Variants in UBE2U observed in about 807,000 individuals in gnomAD.
UBE2U encodes ubiquitin conjugating enzyme E2 U, also known as ubiquitin-conjugating enzyme E2 U.
A neutral mutation model predicts 41.2 loss-of-function variants in UBE2U; 39 were observed. The ratio of observed to expected loss-of-function variants is 0.95; its 90% CI spans 0.73 to 1.24. The LOEUF is 1.24. Ranked by LOEUF, UBE2U falls within the 50% of genes most tolerant of loss-of-function variation. The pLI, the probability that UBE2U is intolerant of heterozygous loss-of-function variation, is 0.00. For synonymous variants in UBE2U, 107 were observed against 117.8 expected, an observed-to-expected ratio of 0.91 and a Z score of 0.60; for missense variants, 336 against 363.1, an observed-to-expected ratio of 0.93 and a Z score of 0.61.
At chr1:64,232,530 C>T in intron 6 of UBE2U, 31 bp from the exon 7 acceptor site, 1 of 1,532,638 alleles carries the variant, frequency 6.5e-7, no homozygotes, top group Non-Finnish European at 9.0e-7. Flanking sequence ...TTACAAACTG[C>T]CCATCGTCTG....
chr1:64,239,098 AG>A (rs1644740564), intron 7 of UBE2U, among the ~76,000 whole-genome samples: 1 of 26,118 alleles, frequency 3.8e-5, no homozygotes, highest in East Asian at 1.5e-3. Flanking sequence ...AAGAGGAAGA[AG>A]AAGAAGAAGA....
chr1:64,222,006 GAACCCAGGAGGCAGAGCTTGCA>G (rs1314811731), intron 6 of UBE2U, among the ~76,000 whole-genome samples: 7 of 145,190 alleles, frequency 4.8e-5, no homozygotes, highest in Admixed American at 2.1e-4. Context: ...AGAATGGTGT[GAACCCAGGAGGCAGAGCTTGCA>G]GTGAGCCAAG....
At chr1:64,252,114 C>T (rs898914546) in intron 8 of UBE2U, among the ~76,000 whole-genome samples, 1 of 152,212 alleles carries the variant, frequency 6.6e-6, no homozygotes, top group Non-Finnish European at 1.5e-5. Flanking sequence ...TCCCCACCAA[C>T]ACAACACACC....
chr1:64,240,256 T>G (rs919894503), intron 7 of UBE2U, among the ~76,000 whole-genome samples: 2 of 152,180 alleles, frequency 1.3e-5, no homozygotes, highest in Admixed American at 1.3e-4. Context: ...TTTGGGACAC[T>G]AACTTTAATA....
At chr1:64,229,242 G>A (rs1260285115) in intron 6 of UBE2U, among the ~76,000 whole-genome samples, 2 of 151,944 alleles carry the variant, frequency 1.3e-5, no homozygotes, top group Non-Finnish European at 2.9e-5. Context: ...TGATCCTCTC[G>A]CCTCAGTACC....
intron 7 of UBE2U, among the ~76,000 whole-genome samples, chr1:64,235,906 C>T (rs1370760851): frequency 2.0e-5 from 3 of 152,114 alleles, no homozygotes; most frequent in South Asian, 2.1e-4. Context: ...ATCAACCCTA[C>T]GTGCCAGGCA....
chr1:64,239,092 GGAAGAAGAAGAAGAAGAA>G (rs1221201927), intron 7 of UBE2U, among the ~76,000 whole-genome samples: 3 of 42,746 alleles, frequency 7.0e-5, no homozygotes, highest in African/African-American at 1.0e-4. Flanking sequence ...AAGAGGAAGA[GGAAGAAGAAGAAGAAGAA>G]GAAGAAGAAG....
At chr1:64,251,589 G>A (rs1311874199) in intron 8 of UBE2U, among the ~76,000 whole-genome samples, 1 of 152,100 alleles carries the variant, frequency 6.6e-6, no homozygotes, top group Non-Finnish European at 1.5e-5. Flanking sequence ...GGTGAGGTGA[G>A]AGCCCACCCA....
intron 8 of UBE2U, among the ~76,000 whole-genome samples, chr1:64,254,868 G>A (rs1350142251): frequency 6.6e-6 from 1 of 151,744 alleles, no homozygotes; most frequent in Non-Finnish European, 1.5e-5. Context: ...AAGAACTAGA[G>A]AACCAAGAGC....
chr1:64,238,376 C>G (rs1644708876), intron 7 of UBE2U, among the ~76,000 whole-genome samples: 1 of 150,652 alleles, frequency 6.6e-6, no homozygotes. Context: ...TGCACTCCAG[C>G]CTGGGTGACA....
At chr1:64,255,177 G>T (rs1346660933) in intron 8 of UBE2U, among the ~76,000 whole-genome samples, 1 of 152,016 alleles carries the variant, frequency 6.6e-6, no homozygotes, top group East Asian at 1.9e-4. Context: ...TAGAAGAAAT[G>T]GATAAATTTC....
intron 5 of UBE2U, among the ~76,000 whole-genome samples, chr1:64,219,997 T>G (rs1652326843): frequency 6.6e-6 from 1 of 152,212 alleles, no homozygotes; most frequent in Non-Finnish European, 1.5e-5. Flanking sequence ...GTTTCCTATT[T>G]TTCTCTTTTT....
At chr1:64,206,731 A>G in intron 2 of UBE2U, 33 bp from the exon 3 acceptor site, 2 of 1,288,240 alleles carry the variant, frequency 1.6e-6, no homozygotes, top group Non-Finnish European at 2.2e-6. Flanking sequence ...TAAACATGAC[A>G]CTTTAGTAAA....
intron 3 of UBE2U, among the ~76,000 whole-genome samples, chr1:64,209,457 C>T (rs1170926046): frequency 6.6e-6 from 1 of 152,136 alleles, no homozygotes. Context: ...TCTTTTGCTC[C>T]AGGCAGGAAA....
In UBE2U at chr1:64,265,134, G is replaced by A. The variant is rs144329728; in HGVS notation, c.770-1890G>A. Among the ~76,000 whole-genome samples, 581 of 152,172 alleles carry A rather than the reference G, an allele frequency of 3.8e-3. 1 individual carries two copies. Among genetic ancestry groups the A allele is most frequent in the Non-Finnish European group, 5.8e-3 (397 of 68,016 alleles). On this transcript the variant is annotated intron_variant, in intron 9 of 9. Transcript: ENST00000371077. ...GTCCGGTGTGGTTACTAGAATGGCC[G>A]TAGCTCTCTTGCTATGCACCTGAAG...
At chr1:64,253,913 A>G (rs1344418681) in intron 8 of UBE2U, among the ~76,000 whole-genome samples, 1 of 152,162 alleles carries the variant, frequency 6.6e-6, no homozygotes, top group African/African-American at 2.4e-5. Flanking sequence ...ACACATAACA[A>G]TACTAATCTT....
chr1:64,257,166 G>A (rs1645106923), intron 8 of UBE2U, among the ~76,000 whole-genome samples: 1 of 152,212 alleles, frequency 6.6e-6, no homozygotes, highest in African/African-American at 2.4e-5. Flanking sequence ...GTTGGTGGGT[G>A]TGTAAATTAG....
chr1:64,255,820 A>G (rs1361771893), intron 8 of UBE2U, among the ~76,000 whole-genome samples: 2 of 152,042 alleles, frequency 1.3e-5, no homozygotes, highest in Admixed American at 1.3e-4. Context: ...AGAGGGAGTT[A>G]TCTTCAAATT....
At chr1:64,246,069 A>G (rs1030054464) in intron 8 of UBE2U, among the ~76,000 whole-genome samples, 1 of 152,212 alleles carries the variant, frequency 6.6e-6, no homozygotes, top group Non-Finnish European at 1.5e-5. Context: ...TCAAGTGTAC[A>G]TTTTGTGAAA....
Sources: gnomAD v4.1 joint callset for allele counts (sites outside exome capture counted in the v4.1 genomes callset) on GRCh38, gnomAD v4.1.1 for gene constraint, MANE v1.5 for transcripts, NCBI Gene and HGNC (gene_info 2026-07-23, HGNC 2026-07-21) for gene names.